CORO2A: variants seen among roughly 807,000 people sequenced by gnomAD.
CORO2A encodes the protein coronin-2A.
Under a neutral mutation model 62.4 loss-of-function variants are expected in CORO2A, and 47 were observed. The observed-to-expected ratio is 0.75, with a 90% CI of 0.60 to 0.96. The LOEUF (loss-of-function observed/expected upper bound fraction) is 0.96, where lower values mean the gene tolerates loss of function less well. CORO2A is among the 40% of genes least tolerant of loss of function. The pLI, the probability that CORO2A is intolerant of heterozygous loss-of-function variation, is 0.00. For missense variants in CORO2A, 610 were observed against 684.1 expected, an observed-to-expected ratio of 0.89 and a Z score of 1.21; for synonymous variants, 273 against 268.9, an observed-to-expected ratio of 1.02 and a Z score of -0.15.
intron 1 of CORO2A, among the ~76,000 whole-genome samples, chr9:98,163,211 G>A (rs564796540): frequency 2.0e-5 from 3 of 152,166 alleles, no homozygotes; most frequent in South Asian, 2.1e-4. Flanking sequence ...TCTTTGAGAC[G>A]GAGTCTCGCT....
chr9:98,184,618 G>T (rs910423152), intron 1 of CORO2A, among the ~76,000 whole-genome samples: 1 of 152,128 alleles, frequency 6.6e-6, no homozygotes, highest in Non-Finnish European at 1.5e-5. Flanking sequence ...CTACAGGGAC[G>T]TAGTGCTTTG....
intron 1 of CORO2A, among the ~76,000 whole-genome samples, chr9:98,176,600 G>A (rs1355863518): frequency 2.0e-5 from 3 of 152,146 alleles, no homozygotes; most frequent in Non-Finnish European, 4.4e-5. Flanking sequence ...GGCTCCACTG[G>A]GGGGTGGGGG....
At chr9:98,137,458 C>T (rs1827502205) in intron 3 of CORO2A, 114 bp downstream of exon 3, 2 of 837,594 alleles carry the variant, frequency 2.4e-6, no homozygotes, top group East Asian at 2.4e-5. Flanking sequence ...ACACAGTGAC[C>T]TCACCTCCGC....
At chr9:98,128,145 T>C in intron 10 of CORO2A, 25 bp downstream of exon 10, 1 of 1,590,472 alleles carries the variant, frequency 6.3e-7, no homozygotes, top group Non-Finnish European at 8.6e-7. Flanking sequence ...CACATTTGCC[T>C]GGGCCTCTTC....
intron 6 of CORO2A, 68 bp from the exon 7 acceptor site, chr9:98,131,127 A>G: frequency 9.5e-7 from 1 of 1,047,676 alleles, no homozygotes; most frequent in Non-Finnish European, 1.4e-6. Context: ...GCTCCCGGAG[A>G]TAAGAATTGC....
intron 1 of CORO2A, among the ~76,000 whole-genome samples, chr9:98,171,336 G>A (rs901243121): frequency 7.2e-5 from 11 of 152,180 alleles, no homozygotes; most frequent in African/African-American, 2.7e-4. Flanking sequence ...TGTTCTCAGC[G>A]TGGACCCACA....
At chr9:98,133,668 C>T (rs1489310244) in intron 4 of CORO2A, among the ~76,000 whole-genome samples, 2 of 152,158 alleles carry the variant, frequency 1.3e-5, no homozygotes, top group Non-Finnish European at 2.9e-5. Context: ...CACAAATACA[C>T]GCAGCAGCTC....
chr9:98,164,175 C>A (rs534071030), intron 1 of CORO2A, among the ~76,000 whole-genome samples: 9 of 152,200 alleles, frequency 5.9e-5, no homozygotes, highest in Non-Finnish European at 1.3e-4. Context: ...AAGATTAGAA[C>A]CACAAGTTAC....
chr9:98,170,473 G>A (rs1005055581), intron 1 of CORO2A, among the ~76,000 whole-genome samples: 6 of 152,084 alleles, frequency 3.9e-5, no homozygotes, highest in Non-Finnish European at 5.9e-5. Context: ...ACAGAGTCTC[G>A]CTCTGTCACC....
At chr9:98,153,064 G>A (rs543164370) in intron 2 of CORO2A, among the ~76,000 whole-genome samples, 1 of 152,276 alleles carries the variant, frequency 6.6e-6, no homozygotes, top group East Asian at 1.9e-4. Context: ...CCGAAGTACA[G>A]TATTTGGGGG....
chr9:98,159,981 G>A lies in CORO2A; in HGVS notation c.1-2321C>T, dbSNP rs60944850. ...TTCTCTGTGCTCAATTCCTCAGAACGAGATTACACTGTGTGACCTCAGGCA... is the reference window on the plus strand; with the variant it reads ...TTCTCTGTGCTCAATTCCTCAGAACAAGATTACACTGTGTGACCTCAGGCA... On this transcript the variant is annotated intron_variant, in intron 1 of 11. Coordinates refer to ENST00000375077, the MANE Select transcript of CORO2A (RefSeq NM_052820.4). Among the ~76,000 whole-genome samples the A allele has an allele frequency of 4.6e-3, 702 of 152,310 alleles. 6 individuals carry two copies. Among genetic ancestry groups the A allele is most frequent in the African/African-American group, 0.014 (572 of 41,572 alleles).
intron 1 of CORO2A, among the ~76,000 whole-genome samples, chr9:98,172,406 G>A (rs1227791283): frequency 1.0e-5 from 1 of 99,896 alleles, no homozygotes; most frequent in Non-Finnish European, 1.9e-5. Context: ...TTCTGAGCTC[G>A]ACCCCACGCC....
chr9:98,148,099 A>AG (rs1312614085), intron 2 of CORO2A, among the ~76,000 whole-genome samples: 1 of 18,658 alleles, frequency 5.4e-5, no homozygotes, highest in Non-Finnish European at 1.2e-4. Context: ...AAAAAAAAGA[A>AG]AAAAAAAAAA....
chr9:98,141,715 G>A (rs572810921), intron 2 of CORO2A, among the ~76,000 whole-genome samples: 36 of 152,242 alleles, frequency 2.4e-4, no homozygotes, highest in African/African-American at 7.7e-4. Flanking sequence ...GTGAGTTTTC[G>A]AAAATTAAAA....
chr9:98,132,931 A>G, intron 5 of CORO2A, 107 bp downstream of exon 5: 1 of 1,291,478 alleles, frequency 7.7e-7, no homozygotes, highest in Non-Finnish European at 1.1e-6. Context: ...GTGAAGGCGC[A>G]GCCCAGACGC....
At position 98,132,298 on chromosome 9, in the gene CORO2A, C is replaced by A; in HGVS notation, c.652G>T (p.Ala218Ser). Reference protein sequence around the residue: ...DPRAGTVLQEASYKGHRASKV... With the variant: ...DPRAGTVLQESSYKGHRASKV... Reference sequence around the variant, plus strand: ...CTGGCCCGGTGCCCTTTGTAGCTGGCCTCCTGGAGGGACACGTGCGGTCGG... The same window carrying A: ...CTGGCCCGGTGCCCTTTGTAGCTGGACTCCTGGAGGGACACGTGCGGTCGG... Residue 218 changes from alanine (A) to serine (S), a missense_variant, in exon 6 of 12, where the codon GCC becomes TCC. Ala to Ser is a moderately conservative substitution (Grantham distance 99). Transcript: ENST00000375077. 2 of 1,613,628 alleles carry A rather than the reference C, an allele frequency of 1.2e-6. No individual in the cohort carries two copies. Among genetic ancestry groups the A allele is most frequent in the Non-Finnish European group, 1.7e-6 (2 of 1,179,718 alleles).
chr9:98,136,849 CTG>C (rs1334370035), intron 3 of CORO2A, among the ~76,000 whole-genome samples: 2 of 152,084 alleles, frequency 1.3e-5, no homozygotes, highest in African/African-American at 4.8e-5. Context: ...CTGATCATAT[CTG>C]TGTTTTTTAA....
chr9:98,144,832 G>A (rs913488409), intron 2 of CORO2A, among the ~76,000 whole-genome samples: 36 of 152,000 alleles, frequency 2.4e-4, no homozygotes, highest in African/African-American at 7.7e-4. Context: ...GAGCAAGAGG[G>A]GTGAGGCTGA....
chr9:98,128,586 T>C (rs775383090), intron 9 of CORO2A, 21 bp downstream of exon 9: 6 of 1,606,328 alleles, frequency 3.7e-6, no homozygotes, highest in Non-Finnish European at 4.3e-6. Context: ...CTGCCTCCCA[T>C]GCGGTCCCGA....
Sources: allele counts gnomAD v4.1 joint callset (sites outside exome capture counted in the v4.1 genomes callset), GRCh38; gene constraint gnomAD v4.1.1; transcripts MANE v1.5; gene names NCBI Gene and HGNC (gene_info 2026-07-23, HGNC 2026-07-21).